The following EXOC4 variants were observed in gnomAD, a reference collection of about 807,000 sequenced individuals.
EXOC4 encodes the protein exocyst complex component 4, also known as SEC8-like 1.
A neutral mutation model predicts 107.2 loss-of-function variants in EXOC4; 71 were observed. The ratio of observed to expected loss-of-function variants is 0.66; its 90% CI spans 0.55 to 0.81. EXOC4 has a LOEUF of 0.81. Among genes scored for constraint, EXOC4 ranks in the 30% least tolerant of loss-of-function variants. The pLI, the probability that EXOC4 is intolerant of heterozygous loss-of-function variation, is 0.00. For synonymous variants in EXOC4, 456 were observed against 441.2 expected (o/e 1.03, Z -0.42); for missense variants, 1,108 against 1,189.6 (o/e 0.93, Z 1.01).
rs181908020 is a variant in EXOC4 at position 133,659,482 on chromosome 7, C to A, written c.1514+29341C>A. Among the ~76,000 whole-genome samples, 10 of 152,210 alleles carry A rather than the reference C, an allele frequency of 6.6e-5. No individual in the cohort carries two copies. In the East Asian group the frequency reaches 1.9e-3, roughly 29 times the overall value. ...TGGTTTTATATTGTTATTTGCATTT[C>A]TTCCCTTTTTTTGGCAAAAGCAAAT... On this transcript the variant is annotated intron_variant, in intron 10 of 17. Coordinates refer to ENST00000253861, the MANE Select transcript of EXOC4 (RefSeq NM_021807.4).
chr7:133,932,149 C>T (rs534056990), intron 13 of EXOC4, among the ~76,000 whole-genome samples: 5 of 152,234 alleles, frequency 3.3e-5, no homozygotes, highest in East Asian at 3.9e-4. Flanking sequence ...AGACAGTTTG[C>T]GGGGATTCTG....
At chr7:133,487,415 A>G (rs1799288664) in intron 9 of EXOC4, among the ~76,000 whole-genome samples, 1 of 152,214 alleles carries the variant, frequency 6.6e-6, no homozygotes, top group South Asian at 2.1e-4. Flanking sequence ...TTTTTAAAAA[A>G]GCCAAATTTA....
chr7:133,925,879 A>AC (rs1800038449), intron 13 of EXOC4, among the ~76,000 whole-genome samples: 1 of 151,912 alleles, frequency 6.6e-6, no homozygotes, highest in Non-Finnish European at 1.5e-5. Context: ...CTACTAAAAT[A>AC]GAAAAAAAAA....
At chr7:133,288,805 G>T in intron 2 of EXOC4, 117 bp from the exon 3 acceptor site, 1 of 758,068 alleles carries the variant, frequency 1.3e-6, no homozygotes, top group Non-Finnish European at 2.1e-6. Context: ...AGAATAAGTG[G>T]CAGTGGGAAT....
intron 9 of EXOC4, among the ~76,000 whole-genome samples, chr7:133,627,272 G>A (rs1040894308): frequency 8.7e-4 from 132 of 152,322 alleles, no homozygotes; most frequent in African/African-American, 3.0e-3. Context: ...AGATGGTAGC[G>A]CAGTGTGGCT....
intron 1 of EXOC4, among the ~76,000 whole-genome samples, chr7:133,254,757 G>A (rs1040559242): frequency 3.9e-5 from 6 of 152,140 alleles, no homozygotes; most frequent in African/African-American, 1.4e-4. Context: ...ATAAGACTAC[G>A]AGAGAGACAT....
At chr7:133,630,374 C>G (rs372650883) in intron 10 of EXOC4, among the ~76,000 whole-genome samples, 1 of 151,978 alleles carries the variant, frequency 6.6e-6, no homozygotes, top group Non-Finnish European at 1.5e-5. Context: ...TTTTCACACT[C>G]GCTACCTCTG....
chr7:133,486,717 A>G (rs73726910), intron 9 of EXOC4, among the ~76,000 whole-genome samples: 9,839 of 152,184 alleles, frequency 0.065, 1,106 homozygotes, highest in African/African-American at 0.22. Context: ...AGCCTCTAAA[A>G]TAGTGTTTAA....
chr7:133,503,625 G>T (rs940276836), intron 9 of EXOC4, among the ~76,000 whole-genome samples: 3 of 152,170 alleles, frequency 2.0e-5, no homozygotes, highest in African/African-American at 7.2e-5. Context: ...TCAGTTATCA[G>T]TGCTGATCTT....
rs145556770 is a variant in EXOC4, at chr7:133,575,570, A to G, written c.1418-54475A>G. ...GGATAGGGTAATGGGACAATTCTAG[A>G]GAGGAGCACATCTGGTATGTGGCAT... is the stretch of plus-strand genomic sequence containing the variant. On this transcript the variant is annotated intron_variant, in intron 9 of 17. Coordinates refer to ENST00000253861, the MANE Select transcript of EXOC4 (RefSeq NM_021807.4). 2.6e-5 allele frequency among the ~76,000 whole-genome samples: 4 copies of G among 152,306 alleles called. No homozygotes were observed. The East Asian group carries it at 7.7e-4, about 29-fold the overall frequency.
chr7:134,075,640 G>C, the EXOC4 span, among the ~76,000 whole-genome samples: 1 of 152,114 alleles, frequency 6.6e-6, no homozygotes, highest in African/African-American at 2.4e-5. Flanking sequence ...ACCACACGTG[G>C]GGATTATGGG....
At chr7:133,594,493 C>CTTTTTTTTTTTTTTTTTTTTTTTTTTTTT (rs532692119) in intron 9 of EXOC4, among the ~76,000 whole-genome samples, 1 of 90,356 alleles carries the variant, frequency 1.1e-5, no homozygotes, top group African/African-American at 4.5e-5. Flanking sequence ...AAGCTTGAGT[C>CTTTTTTTTTTTTTTTTTTTTTTTTTTTTT]TTTTTTTTTT....
intron 7 of EXOC4, among the ~76,000 whole-genome samples, chr7:133,456,797 G>C (rs920877214): frequency 5.9e-5 from 9 of 152,286 alleles, no homozygotes; most frequent in Admixed American, 3.9e-4. Flanking sequence ...CTTGTGGTGT[G>C]TAGCACACAG....
At chr7:133,625,078 A>G (rs1319472285) in intron 9 of EXOC4, among the ~76,000 whole-genome samples, 1 of 152,236 alleles carries the variant, frequency 6.6e-6, no homozygotes, top group Non-Finnish European at 1.5e-5. Context: ...TAAGGCAAGC[A>G]TGTTTTACAC....
Position 133,792,477 on chromosome 7 carries a change from C to G in EXOC4, c.1515-24848C>G, listed in dbSNP as rs117911788. Among the ~76,000 whole-genome samples, 7 of 133,662 alleles carry G rather than the reference C, an allele frequency of 5.2e-5. No homozygotes were observed. The Admixed American group carries it at 5.5e-4, about 10-fold the overall frequency. The allele number at this position is 133,662 out of a possible 152,430, so 87.7% of individuals were successfully genotyped here. ...CTGAAGTGGGAGGATTGCTTGAGCC[C>G]GGAAGGTTGAGGCTGCAGTGAGCTG... On this transcript the variant is annotated intron_variant, in intron 10 of 17. Coordinates refer to ENST00000253861, the MANE Select transcript of EXOC4 (RefSeq NM_021807.4).
At chr7:133,491,384 G>A (rs976137617) in intron 9 of EXOC4, among the ~76,000 whole-genome samples, 2 of 152,158 alleles carry the variant, frequency 1.3e-5, no homozygotes, top group Non-Finnish European at 2.9e-5. Context: ...TACATATCCT[G>A]TTCAGTTGGT....
chr7:133,362,892 T>C (rs1160510990), intron 6 of EXOC4, among the ~76,000 whole-genome samples: 1 of 152,168 alleles, frequency 6.6e-6, no homozygotes, highest in Non-Finnish European at 1.5e-5. Flanking sequence ...GTGGAATTGG[T>C]CATTTTATTT....
intron 16 of EXOC4, among the ~76,000 whole-genome samples, chr7:134,005,433 A>G (rs1794623665): frequency 6.6e-6 from 1 of 152,220 alleles, no homozygotes; most frequent in Non-Finnish European, 1.5e-5. Context: ...CACAATGAGG[A>G]GAGAATCCTG....
At chr7:134,007,919 G>C (rs1474498068) in intron 17 of EXOC4, 84 bp downstream of exon 17, 178 of 1,270,662 alleles carry the variant, frequency 1.4e-4, no homozygotes, top group Non-Finnish European at 1.5e-5. Context: ...ATAGACTCTT[G>C]GTGCAGAAAA....
Sources: allele counts gnomAD v4.1 joint callset (sites outside exome capture counted in the v4.1 genomes callset), GRCh38; gene constraint gnomAD v4.1.1; transcripts MANE v1.5; gene names NCBI Gene and HGNC (gene_info 2026-07-23, HGNC 2026-07-21).